The following URGCP variants were observed in gnomAD, a reference collection of about 807,000 sequenced individuals.
URGCP encodes the protein up-regulator of cell proliferation.
URGCP carries 13 observed loss-of-function variants against 24.6 expected under a neutral mutation model. That is an observed-to-expected ratio of 0.53 (90% confidence interval 0.34 to 0.84). URGCP has a LOEUF of 0.84. Ranked by LOEUF, URGCP falls within the 40% of genes least tolerant of loss-of-function variation. The probability of loss-of-function intolerance (pLI) is 0.01; values close to 1 mark genes in which losing one functional copy is unlikely to be tolerated. For missense variants in URGCP, 899 were observed against 1,194.3 expected (o/e 0.75, Z 3.64); for synonymous variants, 444 against 487.2 (o/e 0.91, Z 1.17).
intron 1 of URGCP, chr7:43,920,005 G>C (rs967975534): frequency 6.8e-6 from 9 of 1,330,192 alleles, no homozygotes; most frequent in Admixed American, 1.7e-5. Context: ...TCATGGATGA[G>C]TACCACATGG....
chr7:43,897,628 G>A (rs2095881222), intron 1 of URGCP, among the ~76,000 whole-genome samples: 1 of 152,174 alleles, frequency 6.6e-6, no homozygotes, highest in Non-Finnish European at 1.5e-5. Context: ...AAAGGTTCTG[G>A]CTGTTCTTAT....
intron 1 of URGCP, among the ~76,000 whole-genome samples, chr7:43,896,198 G>C (rs1040110243): frequency 6.6e-6 from 1 of 152,056 alleles, no homozygotes; most frequent in African/African-American, 2.4e-5. Context: ...GATAGGGAGA[G>C]GTTGGTTAAG....
At chr7:43,904,037 T>C (rs1366438147) in intron 1 of URGCP, among the ~76,000 whole-genome samples, 1 of 152,344 alleles carries the variant, frequency 6.6e-6, no homozygotes, top group East Asian at 1.9e-4. Flanking sequence ...CAGCATGAGC[T>C]GCTCCCTGTC....
intron 1 of URGCP, among the ~76,000 whole-genome samples, chr7:43,916,940 G>A (rs2095916294): frequency 6.6e-6 from 1 of 152,100 alleles, no homozygotes; most frequent in Non-Finnish European, 1.5e-5. Flanking sequence ...CCTGAGTCCT[G>A]GGGCTCCTTT....
chr7:43,883,360 A>T (rs796480253), intron 3 of URGCP, among the ~76,000 whole-genome samples: 9,164 of 97,376 alleles, frequency 0.094, 486 homozygotes, highest in African/African-American at 0.17. Flanking sequence ...ATATATATAT[A>T]TATTTTTTTT....
At chr7:43,881,474 GTTT>G (rs751531869) in intron 5 of URGCP, among the ~76,000 whole-genome samples, 182 bp downstream of exon 5, 3 of 127,306 alleles carry the variant, frequency 2.4e-5, no homozygotes, top group East Asian at 2.3e-4. Flanking sequence ...GCTTCCCAGG[GTTT>G]TTTTTTTTTT....
intron 1 of URGCP, among the ~76,000 whole-genome samples, chr7:43,897,604 A>G (rs1466642622): frequency 6.6e-6 from 1 of 152,112 alleles, no homozygotes; most frequent in Admixed American, 6.6e-5. Flanking sequence ...AAAAATAAAA[A>G]AGATTTTTTA....
At chr7:43,881,860 TC>T (rs753765036) in intron 4 of URGCP, 46 bp downstream of exon 4, 37 of 1,606,146 alleles carry the variant, frequency 2.3e-5, no homozygotes, top group Non-Finnish European at 3.1e-5. Context: ...CTTTACCCAC[TC>T]CCCCTCTCCC....
At chr7:43,902,789 G>A (rs1235073976) in intron 1 of URGCP, among the ~76,000 whole-genome samples, 1 of 152,178 alleles carries the variant, frequency 6.6e-6, no homozygotes, top group Admixed American at 6.5e-5. Context: ...AATCATTTAA[G>A]AGGATCATTT....
intron 1 of URGCP, among the ~76,000 whole-genome samples, chr7:43,903,603 G>A (rs980411116): frequency 2.0e-5 from 3 of 152,048 alleles, no homozygotes; most frequent in Non-Finnish European, 2.9e-5. Flanking sequence ...TAGTGTAGTT[G>A]GAAATGAAAA....
intron 1 of URGCP, among the ~76,000 whole-genome samples, chr7:43,916,485 A>G (rs1285529967): frequency 6.6e-6 from 1 of 152,164 alleles, no homozygotes; most frequent in East Asian, 1.9e-4. Context: ...AAGCCCTAGG[A>G]AAGAAAACTG....
intron 1 of URGCP, among the ~76,000 whole-genome samples, chr7:43,892,119 T>C (rs1210199522): frequency 1.3e-5 from 2 of 152,088 alleles, no homozygotes; most frequent in African/African-American, 4.8e-5. Context: ...GGTTTCGCTA[T>C]GTAGCCCAGG....
At chr7:43,898,272 G>C (rs2095882485) in intron 1 of URGCP, among the ~76,000 whole-genome samples, 1 of 152,198 alleles carries the variant, frequency 6.6e-6, no homozygotes, top group Non-Finnish European at 1.5e-5. Context: ...TAAACAATGA[G>C]AGAATTCAGT....
At chr7:43,926,600 T>A (rs761062910), upstream of URGCP, 6 of 1,541,112 alleles carry the variant, frequency 3.9e-6, 1 homozygote, top group Admixed American at 1.2e-4. Context: ...GTCCGAAGCG[T>A]CGAGGTGTGG....
upstream of URGCP, chr7:43,910,846 A>C (rs1036586051): frequency 6.6e-6 from 1 of 152,020 alleles, no homozygotes; most frequent in Non-Finnish European, 1.5e-5. Context: ...ACACAGCAAG[A>C]CTCTTTCTCA....
At position 43,887,870 on chromosome 7, in the gene URGCP, T is replaced by C. The variant is rs1340071706; in HGVS notation, c.15-54A>G. ...AAGATGTTGATGCCAGCTTTATATA[T>C]AATAGCGAAAAACTGATGCCTTTTA... On this transcript the variant is annotated intron_variant, in intron 1 of 5. Transcript: ENST00000453200. The C allele has an allele frequency of 5.0e-6, 6 of 1,211,848 alleles. No individual in the cohort carries two copies. In the East Asian group the frequency reaches 1.0e-4, roughly 21 times the overall value. The allele number at this position is 1,211,848 out of a possible 1,614,324, so 75.1% of individuals were successfully genotyped here.
At chr7:43,886,422 A>G (rs1264440022) in intron 3 of URGCP, among the ~76,000 whole-genome samples, 2 of 151,968 alleles carry the variant, frequency 1.3e-5, no homozygotes, top group Non-Finnish European at 2.9e-5. Context: ...TAGCACATTC[A>G]TTTTAAGAAG....
In URGCP at chr7:43,878,532, A is replaced by C; in HGVS notation, c.931T>G (p.Leu311Val). 1 of 1,614,120 alleles carries C rather than the reference A, an allele frequency of 6.2e-7. No individual in the cohort carries two copies. Among genetic ancestry groups the C allele is most frequent in the East Asian group, 2.2e-5 (1 of 44,874 alleles). Residue 311 changes from leucine to valine, a missense_variant, in exon 6 of 6, where the codon TTG (leucine) becomes GTG (valine). Leu to Val is a conservative substitution (Grantham distance 32, BLOSUM62 1). Transcript: ENST00000453200. This position sits in a 1 kb window ranked among gnomAD's most constrained non-coding sequence, Gnocchi z 5.6. ...GGAAAAAACCAGGAAATTTCTACCA[A>C]CCCATCCGAAATCTCCCGGGCATTG... ...GTNAREISDG[L>V]VEISWFFPSG... is the part of the protein sequence containing the mutation.
At chr7:43,898,631 G>C (rs78329598) in intron 1 of URGCP, among the ~76,000 whole-genome samples, 14,165 of 151,948 alleles carry the variant, frequency 0.093, 844 homozygotes, top group Middle Eastern at 0.16. Flanking sequence ...CTGGGTCCAG[G>C]AGCATGTGCC....
Sources: allele counts gnomAD v4.1 joint callset (sites outside exome capture counted in the v4.1 genomes callset), GRCh38; gene constraint gnomAD v4.1.1; non-coding constraint Gnocchi (gnomAD v3.1); transcripts MANE v1.5; gene names NCBI Gene and HGNC (gene_info 2026-07-23, HGNC 2026-07-21).